Variants in RAB11FIP3 observed in about 807,000 individuals in gnomAD.
RAB11FIP3 encodes RAB11 family interacting protein 3.
RAB11FIP3 carries 17 observed loss-of-function variants against 77.8 expected under a neutral mutation model. The observed-to-expected ratio is 0.22, with a 90% CI of 0.15 to 0.33. RAB11FIP3 has a LOEUF of 0.33. Ranked by LOEUF, RAB11FIP3 falls within the 10% of genes least tolerant of loss-of-function variation. The probability of loss-of-function intolerance (pLI) is 1.00; values close to 1 mark genes in which losing one functional copy is unlikely to be tolerated. For missense variants in RAB11FIP3, 1,005 were observed against 1,011.2 expected (o/e 0.99, Z 0.08); for synonymous variants, 437 against 448.2 (o/e 0.98, Z 0.31).
intron 8 of RAB11FIP3, among the ~76,000 whole-genome samples, chr16:508,677 G>A (rs2031989661): frequency 6.6e-6 from 1 of 151,966 alleles, no homozygotes; most frequent in Non-Finnish European, 1.5e-5. Context: ...CCTGGCCTAG[G>A]TTTTCAGCCT....
chr16:520,935 C>A lies in RAB11FIP3; in HGVS notation c.*96C>A. On this transcript the variant is annotated 3_prime_UTR_variant, in exon 14 of 14. Transcript: ENST00000262305. ...GAGCCAAGACCAGCAGGTCCCACAG[C>A]CGACAGTGCCCAGAGCATGCAGGGA... 2 of 999,500 alleles carry A rather than the reference C, an allele frequency of 2.0e-6. No homozygotes were observed. Among genetic ancestry groups the A allele is most frequent in the Non-Finnish European group, 3.1e-6 (2 of 635,686 alleles). 61.9% of individuals were successfully genotyped at this position (999,500 alleles called of 1,614,324 possible).
chr16:445,471 T>C, intron 1 of RAB11FIP3, among the ~76,000 whole-genome samples: 1 of 151,860 alleles, frequency 6.6e-6, no homozygotes, highest in East Asian at 1.9e-4. Context: ...AAAGATTGGG[T>C]TTTAGGTACT....
intron 2 of RAB11FIP3, among the ~76,000 whole-genome samples, chr16:465,064 A>T (rs1340903873): frequency 6.6e-6 from 1 of 152,088 alleles, no homozygotes; most frequent in Non-Finnish European, 1.5e-5. Context: ...TGGTCCCCTG[A>T]GTTCATGGAG....
intron 1 of RAB11FIP3, among the ~76,000 whole-genome samples, chr16:445,420 CAG>C: frequency 6.6e-6 from 1 of 151,698 alleles, no homozygotes; most frequent in Non-Finnish European, 1.5e-5. Context: ...GCCTGGGTGA[CAG>C]AGCAAGACTC....
intron 1 of RAB11FIP3, among the ~76,000 whole-genome samples, chr16:444,651 C>T (rs2055280832): frequency 6.6e-6 from 1 of 151,362 alleles, no homozygotes; most frequent in Non-Finnish European, 1.5e-5. Context: ...AGTTCGAAAC[C>T]AGCCTGGGCA....
At chr16:464,851 C>T (rs1417036835) in intron 2 of RAB11FIP3, among the ~76,000 whole-genome samples, 1 of 152,186 alleles carries the variant, frequency 6.6e-6, no homozygotes, top group African/African-American at 2.4e-5. Flanking sequence ...TGCCACTGCA[C>T]TCCATGCACT....
intron 6 of RAB11FIP3, among the ~76,000 whole-genome samples, chr16:498,711 C>G (rs1418878722): frequency 6.6e-6 from 1 of 152,046 alleles, no homozygotes; most frequent in Non-Finnish European, 1.5e-5. Flanking sequence ...TAGAGACAGG[C>G]CCAGACTGGT....
rs2055596497 is a variant in RAB11FIP3, at chr16:461,042, G to A, written c.715-362G>A. On this transcript the variant is annotated intron_variant, in intron 1 of 13. Coordinates refer to ENST00000262305, the MANE Select transcript of RAB11FIP3 (RefSeq NM_014700.4). This position sits in a 1 kb window ranked among gnomAD's most constrained non-coding sequence, Gnocchi z 4.5. Reference sequence around the variant, plus strand: ...TAATCCCGATTCCCTAAAGCGGCCCGCAGCCTTCTTGGCACCAGGGATTGG... The same window carrying A: ...TAATCCCGATTCCCTAAAGCGGCCCACAGCCTTCTTGGCACCAGGGATTGG... 6.6e-6 allele frequency among the ~76,000 whole-genome samples: 1 copy of A among 151,064 alleles called. No homozygotes were observed. The highest frequency in any genetic ancestry group is 1.5e-5 in the Non-Finnish European group (1 of 68,026).
Position 521,585 on chromosome 16 carries a change from G to C in RAB11FIP3, c.*746G>C, listed in dbSNP as rs149264961. 1 of 152,842 alleles carries C rather than the reference G, an allele frequency of 6.5e-6. No individual in the cohort carries two copies. Among genetic ancestry groups the C allele is most frequent in the Non-Finnish European group, 1.5e-5 (1 of 68,438 alleles). 9.5% of individuals were successfully genotyped at this position (152,842 alleles called of 1,614,324 possible). On this transcript the variant is annotated 3_prime_UTR_variant, in exon 14 of 14. Coordinates refer to ENST00000262305, the MANE Select transcript of RAB11FIP3 (RefSeq NM_014700.4). ...ACCCCTGGGGGCTCTGACCACCTAT[G>C]GGGGCCGGGCAGGAGCCTCTGGGGC...
intron 1 of RAB11FIP3, among the ~76,000 whole-genome samples, chr16:443,383 G>T (rs1463148912): frequency 6.6e-6 from 1 of 152,148 alleles, no homozygotes; most frequent in African/African-American, 2.4e-5. Flanking sequence ...AAATAAAGGA[G>T]AAAATAAAAA....
intron 5 of RAB11FIP3, among the ~76,000 whole-genome samples, chr16:492,859 T>TTG (rs1271776722): frequency 6.6e-6 from 1 of 152,146 alleles, no homozygotes; most frequent in African/African-American, 2.4e-5. Flanking sequence ...CTGCTGGGCT[T>TTG]TGTGGGGGCA....
intron 2 of RAB11FIP3, among the ~76,000 whole-genome samples, chr16:469,630 T>C (rs1418935504): frequency 6.6e-6 from 1 of 151,818 alleles, no homozygotes; most frequent in Admixed American, 6.6e-5. Context: ...CCTTAAGTGA[T>C]CCGCCCGCCT....
chr16:519,637 G>A (rs964069248), intron 10 of RAB11FIP3, 117 bp from the exon 11 acceptor site: 19 of 1,386,514 alleles, frequency 1.4e-5, no homozygotes, highest in East Asian at 7.3e-5. Context: ...CTCCAAGCAC[G>A]GGCGCCACCG....
At position 520,557 on chromosome 16, in the gene RAB11FIP3, T is replaced by C. The variant is rs11537754; in HGVS notation, c.2115T>C (p.Ser705=). 0.59 allele frequency: 948,502 copies of C among 1,613,394 alleles called. 290,259 individuals are homozygous for C. Among genetic ancestry groups the C allele is most frequent in the East Asian group, 0.98 (43,912 of 44,880 alleles). The change falls in exon 13 of 14, where the codon TCT becomes TCC. Residue 705 remains serine (S), a synonymous_variant. Coordinates refer to ENST00000262305, the MANE Select transcript of RAB11FIP3 (RefSeq NM_014700.4). ...AGAGCCTCTTCTCCACAGCCTTCTC[T>C]GAGTCCCTGGCTGCAGAGATCAGCT... ...GAKSLFSTAF[S]ESLAAEISSV...
At chr16:490,747 C>G (rs1267382876) in intron 5 of RAB11FIP3, among the ~76,000 whole-genome samples, 1 of 152,226 alleles carries the variant, frequency 6.6e-6, no homozygotes, top group Non-Finnish European at 1.5e-5. Context: ...TACCCGGAGA[C>G]ATGGTTCGCT....
rs1335365314 is a variant in RAB11FIP3, at chr16:448,893, C to T, written c.715-12511C>T. 2.6e-5 allele frequency among the ~76,000 whole-genome samples: 4 copies of T among 151,484 alleles called. No individual in the cohort carries two copies. The South Asian group carries it at 8.3e-4, about 32-fold the overall frequency. ...TCGCACCACTGCACTCCAGCCTGGG[C>T]AACAAGAGTGAAACTCTGTCTAAAA... On this transcript the variant is annotated intron_variant, in intron 1 of 13. Transcript: ENST00000262305.
chr16:511,396 G>T (rs1162494506), intron 9 of RAB11FIP3, among the ~76,000 whole-genome samples: 1 of 108,090 alleles, frequency 9.3e-6, no homozygotes, highest in African/African-American at 3.7e-5. Flanking sequence ...AGAGGTTCCC[G>T]ACAGCCCGCC....
At chr16:427,694 G>A (rs1387237403) in intron 1 of RAB11FIP3, among the ~76,000 whole-genome samples, 1 of 152,216 alleles carries the variant, frequency 6.6e-6, no homozygotes, top group Non-Finnish European at 1.5e-5. Context: ...TCTCACACAT[G>A]CAGACATCTG....
At chr16:515,590 G>A (rs1175500185) in intron 9 of RAB11FIP3, among the ~76,000 whole-genome samples, 3 of 151,794 alleles carry the variant, frequency 2.0e-5, no homozygotes, top group African/African-American at 4.8e-5. Flanking sequence ...TTTGCATCTC[G>A]GAGCAGCCAC....
Sources: allele counts gnomAD v4.1 joint callset (sites outside exome capture counted in the v4.1 genomes callset), GRCh38; gene constraint gnomAD v4.1.1; non-coding constraint Gnocchi (gnomAD v3.1); transcripts MANE v1.5; gene names NCBI Gene and HGNC (gene_info 2026-07-23, HGNC 2026-07-21).